RARB: variants seen among roughly 807,000 people sequenced by gnomAD.
RARB encodes the protein HBV-activated protein.
A neutral mutation model predicts 51.9 loss-of-function variants in RARB; 17 were observed. The ratio of observed to expected loss-of-function variants is 0.33; its 90% CI spans 0.22 to 0.49. The LOEUF is 0.49. RARB is among the 20% of genes least tolerant of loss of function. RARB has a pLI of 0.99. For missense variants in RARB, 369 were observed against 550.8 expected (o/e 0.67, Z 3.30); for synonymous variants, 215 against 195.4 (o/e 1.10, Z -0.84).
At chr3:25,130,039 G>T (rs985956291) in intron 3 of RARB, among the ~76,000 whole-genome samples, 1 of 152,046 alleles carries the variant, frequency 6.6e-6, no homozygotes, top group Non-Finnish European at 1.5e-5. Context: ...TAAAGACCTT[G>T]TTGAAGCTTG....
At chr3:25,088,094 A>G (rs1300988959) in intron 3 of RARB, among the ~76,000 whole-genome samples, 1 of 152,024 alleles carries the variant, frequency 6.6e-6, no homozygotes, top group African/African-American at 2.4e-5. Context: ...GCGGAGGGAG[A>G]TAAGCAATTT....
chr3:25,022,354 A>C (rs1232405740), intron 2 of RARB, among the ~76,000 whole-genome samples: 2 of 152,012 alleles, frequency 1.3e-5, no homozygotes, highest in Non-Finnish European at 2.9e-5. Context: ...TTGTGTGTTG[A>C]CTTTCTTTGC....
chr3:25,220,348 T>C (rs73149216), intron 5 of RARB, among the ~76,000 whole-genome samples: 1,830 of 152,312 alleles, frequency 0.012, 33 homozygotes, highest in African/African-American at 0.042. Context: ...AGTTATCACA[T>C]GTCATTTGAT....
At chr3:25,078,058 G>A (rs1287937775) in intron 3 of RARB, among the ~76,000 whole-genome samples, 1 of 151,768 alleles carries the variant, frequency 6.6e-6, no homozygotes, top group African/African-American at 2.4e-5. Context: ...ATACATTCTA[G>A]ATATAAATAT....
At chr3:25,107,560 C>T (rs529938141) in intron 3 of RARB, among the ~76,000 whole-genome samples, 6 of 152,202 alleles carry the variant, frequency 3.9e-5, no homozygotes, top group Non-Finnish European at 5.9e-5. Flanking sequence ...CCCTCATCCA[C>T]GAGTGATATA....
At chr3:25,203,108 A>T (rs529507376) in intron 5 of RARB, among the ~76,000 whole-genome samples, 1 of 152,096 alleles carries the variant, frequency 6.6e-6, no homozygotes, top group African/African-American at 2.4e-5. Flanking sequence ...TTATGAATCT[A>T]GGTGCTCCTG....
chr3:25,119,925 A>G (rs1257462072), intron 3 of RARB, among the ~76,000 whole-genome samples: 1 of 152,144 alleles, frequency 6.6e-6, no homozygotes, highest in Non-Finnish European at 1.5e-5. Context: ...AGGAAGTAGA[A>G]CAAGGGCTGG....
chr3:25,151,128 T>A (rs1700280612), intron 4 of RARB, among the ~76,000 whole-genome samples: 1 of 152,246 alleles, frequency 6.6e-6, no homozygotes, highest in Non-Finnish European at 1.5e-5. Context: ...CCGCCCATTT[T>A]GCCCCTTGGC....
At chr3:24,968,935 C>T (rs925950532) in intron 2 of RARB, among the ~76,000 whole-genome samples, 1 of 151,916 alleles carries the variant, frequency 6.6e-6, no homozygotes, top group African/African-American at 2.4e-5. Context: ...TATTGAATAC[C>T]TTCTAATGCC....
At chr3:24,966,606 ATCTCTCTCTCTCTCTCTCTCTC>A in intron 2 of RARB, among the ~76,000 whole-genome samples, 1 of 140,340 alleles carries the variant, frequency 7.1e-6, no homozygotes, top group South Asian at 2.4e-4. Flanking sequence ...GTTTACATTC[ATCTCTCTCTCTCTCTCTCTCTC>A]TCTCTCTCTC....
chr3:25,472,846 C>G (rs1695764386), intron 2 of RARB, among the ~76,000 whole-genome samples: 1 of 152,148 alleles, frequency 6.6e-6, no homozygotes, highest in Non-Finnish European at 1.5e-5. Flanking sequence ...TGTCATCACA[C>G]AAGGCAAAGA....
At chr3:25,570,946 A>C (rs1261789495) in intron 4 of RARB, among the ~76,000 whole-genome samples, 3 of 63,134 alleles carry the variant, frequency 4.8e-5, no homozygotes, top group Non-Finnish European at 9.4e-5. Flanking sequence ...ACCAGAAAGA[A>C]AAAAAAAAAA....
chr3:25,495,726 C>G (rs925117365), intron 2 of RARB, among the ~76,000 whole-genome samples: 1 of 152,200 alleles, frequency 6.6e-6, no homozygotes, highest in African/African-American at 2.4e-5. Flanking sequence ...ACAGATCTGT[C>G]TTTCTGATCT....
intron 5 of RARB, among the ~76,000 whole-genome samples, chr3:25,314,336 A>G (rs1575305037): frequency 6.6e-6 from 1 of 152,182 alleles, no homozygotes; most frequent in Admixed American, 6.5e-5. Context: ...ATTGGAATTT[A>G]CTTTTTTATT....
chr3:25,062,534 T>C (rs1394242815), intron 3 of RARB, among the ~76,000 whole-genome samples: 1 of 151,978 alleles, frequency 6.6e-6, no homozygotes, highest in African/African-American at 2.4e-5. Context: ...GTTCACTGTG[T>C]ATTATAACTG....
intron 5 of RARB, among the ~76,000 whole-genome samples, chr3:25,364,935 C>G (rs1036030592): frequency 6.6e-6 from 1 of 151,928 alleles, no homozygotes; most frequent in African/African-American, 2.4e-5. Context: ...TTCCCTTACA[C>G]TTCTGACATA....
chr3:24,896,567 G>A (rs1703483795), intron 2 of RARB, among the ~76,000 whole-genome samples: 1 of 152,154 alleles, frequency 6.6e-6, no homozygotes, highest in Admixed American at 6.5e-5. Flanking sequence ...CCCTGGTACA[G>A]AGTTTTAGTT....
chr3:25,046,344 A>G (rs902722412), intron 2 of RARB, among the ~76,000 whole-genome samples: 2 of 152,258 alleles, frequency 1.3e-5, no homozygotes, highest in African/African-American at 4.8e-5. Context: ...CTGAGAAACT[A>G]CAGGTCATTC....
chr3:25,528,139 G>T (rs73048042), intron 3 of RARB, among the ~76,000 whole-genome samples: 5,956 of 152,292 alleles, frequency 0.039, 176 homozygotes, highest in Middle Eastern at 0.14. Flanking sequence ...AAGACAGACA[G>T]ACTTGAAGCC....
Sources: allele counts gnomAD v4.1 joint callset (sites outside exome capture counted in the v4.1 genomes callset), GRCh38; gene constraint gnomAD v4.1.1; transcripts MANE v1.5; gene names NCBI Gene and HGNC (gene_info 2026-07-23, HGNC 2026-07-21).